Variants in RNASET2 observed in about 807,000 individuals in gnomAD.
RNASET2 encodes ribonuclease 6.
Under a neutral mutation model 33.9 loss-of-function variants are expected in RNASET2, and 28 were observed. The ratio of observed to expected loss-of-function variants is 0.83; its 90% CI spans 0.61 to 1.13. The LOEUF is 1.13. RNASET2 is among the 50% of genes most tolerant of loss of function. The probability of loss-of-function intolerance (pLI) is 0.00; values close to 1 mark genes in which losing one functional copy is unlikely to be tolerated. For missense variants in RNASET2, 330 were observed against 319.9 expected (o/e 1.03, Z -0.24); for synonymous variants, 123 against 121.0 (o/e 1.02, Z -0.11).
intron 5 of RNASET2, among the ~76,000 whole-genome samples, chr6:166,940,474 T>G (rs1031839763): frequency 1.3e-5 from 2 of 152,148 alleles, no homozygotes; most frequent in African/African-American, 4.8e-5. Context: ...TCCTATATCC[T>G]ATAAGGTAGA....
rs1778345589 is a variant in RNASET2 at position 166,928,723 on chromosome 6, A to T, written c.*865T>A. 6.6e-6 allele frequency among the ~76,000 whole-genome samples: 1 copy of T among 152,236 alleles called. No individual in the cohort carries two copies. Among genetic ancestry groups the T allele is most frequent in the South Asian group, 2.1e-4 (1 of 4,836 alleles). ...CCCCAGATGCCTCACTCCACGAGTGAAATCCCTGCACGGCAGGCCGAGAGC... is the reference window on the plus strand; with the variant it reads ...CCCCAGATGCCTCACTCCACGAGTGTAATCCCTGCACGGCAGGCCGAGAGC... On this transcript the variant is annotated 3_prime_UTR_variant, in exon 9 of 9. Transcript: ENST00000508775.
chr6:166,943,145 C>G, intron 4 of RNASET2, 56 bp from the exon 5 acceptor site: 1 of 1,308,302 alleles, frequency 7.6e-7, no homozygotes, highest in African/African-American at 1.4e-5. Flanking sequence ...AAACTCAAAA[C>G]CTAGAAGGTA....
intron 8 of RNASET2, among the ~76,000 whole-genome samples, chr6:166,930,227 G>C (rs1454364302): frequency 6.6e-6 from 1 of 152,204 alleles, no homozygotes; most frequent in African/African-American, 2.4e-5. Context: ...TCTTGTTAAA[G>C]ATAAGCAAGA....
chr6:166,952,432 A>G, intron 2 of RNASET2, 56 bp downstream of exon 2: 5 of 1,493,618 alleles, frequency 3.3e-6, no homozygotes, highest in Non-Finnish European at 4.7e-6. Context: ...GTGCACACAA[A>G]CCCCTCTTCA....
intron 2 of RNASET2, among the ~76,000 whole-genome samples, chr6:166,949,598 A>C (rs1778935647): frequency 6.6e-6 from 1 of 152,090 alleles, no homozygotes; most frequent in Non-Finnish European, 1.5e-5. Context: ...CAGAAAAATC[A>C]GTTGAGGAAG....
chr6:166,951,630 A>G (rs1193080717), intron 2 of RNASET2, among the ~76,000 whole-genome samples: 2 of 152,214 alleles, frequency 1.3e-5, no homozygotes, highest in African/African-American at 2.4e-5. Flanking sequence ...TTCAGCTCCT[A>G]TCTCTGTATG....
At position 166,928,584 on chromosome 6, in the gene RNASET2, T is replaced by C. The variant is rs1778343047; in HGVS notation, c.*1004A>G. 6.6e-6 allele frequency among the ~76,000 whole-genome samples: 1 copy of C among 152,164 alleles called. No homozygotes were observed. The highest frequency in any genetic ancestry group is 6.5e-5 in the Admixed American group (1 of 15,284). On this transcript the variant is annotated 3_prime_UTR_variant, in exon 9 of 9. Coordinates refer to ENST00000508775, the MANE Select transcript of RNASET2 (RefSeq NM_003730.6). The stretch of plus-strand genomic sequence containing the variant: ...ATAAAACATAAATAGGACGTTAATG[T>C]GATTAAGACAAACAGAGAAAAGGAT...
chr6:166,952,717 CCTACA>C, intron 1 of RNASET2, 169 bp from the exon 2 acceptor site: 1 of 642,420 alleles, frequency 1.6e-6, no homozygotes, highest in South Asian at 1.7e-5. Context: ...GCGGTACACC[CCTACA>C]CTAAGAAGGC....
At chr6:166,937,262 G>A (rs1308699987) in intron 6 of RNASET2, among the ~76,000 whole-genome samples, 4 of 151,994 alleles carry the variant, frequency 2.6e-5, no homozygotes, top group Non-Finnish European at 4.4e-5. Flanking sequence ...TCAGCCTCCC[G>A]AGTAGCTGGA....
intron 4 of RNASET2, among the ~76,000 whole-genome samples, chr6:166,944,938 G>A (rs1583227485): frequency 9.9e-6 from 1 of 101,470 alleles, no homozygotes; most frequent in African/African-American, 4.0e-5. Context: ...ACCCACCCAC[G>A]TCCACACCTG....
In RNASET2 at chr6:166,937,976, G is replaced by A. The variant is rs77491921; in HGVS notation, c.446+919C>T. On this transcript the variant is annotated intron_variant, in intron 6 of 8. Transcript: ENST00000508775. ...CCATCTGTGTGAGACGATTTTGTAC[G>A]TTGAGGAGGCAAAGCACATGTCTAG... Among the ~76,000 whole-genome samples the A allele has an allele frequency of 5.3e-3, 803 of 152,268 alleles. 18 individuals are homozygous for A. In the East Asian group the frequency reaches 0.072, roughly 14 times the overall value.
chr6:166,933,155 T>G lies in RNASET2; in HGVS notation c.492+936A>C, dbSNP rs770969336. ...CACAACCTGTGATAAATACGAAAAC[T>G]ATCTCAAAGAATCTGATACCTTTCT... is the stretch of plus-strand genomic sequence containing the variant. On this transcript the variant is annotated intron_variant, in intron 7 of 8. Coordinates refer to ENST00000508775, the MANE Select transcript of RNASET2 (RefSeq NM_003730.6). The surrounding 1 kb of genome is among the most constrained non-coding windows in gnomAD (Gnocchi z 4.1). The G allele has an allele frequency of 1.3e-5, 2 of 152,194 alleles. No homozygotes were observed. Among genetic ancestry groups the G allele is most frequent in the African/African-American group, 2.4e-5 (1 of 41,444 alleles). 9.4% of individuals were successfully genotyped at this position (152,194 alleles called of 1,614,324 possible). A position where few individuals can be genotyped will look rare whatever the true frequency, so the allele number is the denominator to read the frequency against.
chr6:166,955,223 GCA>G lies in RNASET2; in HGVS notation c.86+872_86+873del, dbSNP rs1248839726. 1.0e-4 allele frequency among the ~76,000 whole-genome samples: 4 copies of G among 38,776 alleles called. No homozygotes were observed. In the East Asian group the frequency reaches 4.8e-3, roughly 46 times the overall value. The allele number at this position is 38,776 out of a possible 152,430, so 25.4% of individuals were successfully genotyped here. A position where few individuals can be genotyped will look rare whatever the true frequency, so the allele number is the denominator to read the frequency against. ...CACGCACACACGCACGCACACACGC[GCA>G]CACACGCACGCACGCACACACACGC... On this transcript the variant is annotated intron_variant, in intron 1 of 8. Coordinates refer to ENST00000508775, the MANE Select transcript of RNASET2 (RefSeq NM_003730.6).
intron 6 of RNASET2, 98 bp from the exon 7 acceptor site, chr6:166,934,234 C>T: frequency 3.7e-6 from 3 of 820,808 alleles, no homozygotes; most frequent in Admixed American, 1.9e-5. Flanking sequence ...AATTAAGACA[C>T]TCTTAAAGGA....
In RNASET2 at chr6:166,927,427, C is replaced by T. The variant is rs1242720220; in HGVS notation, c.*2161G>A. On this transcript the variant is annotated 3_prime_UTR_variant, in exon 9 of 9. Transcript: ENST00000508775. ...TGACAATGGCAGGAAACCAGCACTC[C>T]GCAGCCCATGCCTCCCACCAGGATG... Among the ~76,000 whole-genome samples the T allele has an allele frequency of 3.3e-5, 5 of 152,200 alleles. No individual in the cohort carries two copies. Among genetic ancestry groups the T allele is most frequent in the Middle Eastern group, 3.4e-3 (1 of 294 alleles).
In RNASET2 at chr6:166,952,553, TAAAAC is replaced by T; in HGVS notation, c.87-10_87-6del. ...TTTTTCCACTCATGGTTGTCACTGT[TAAAAC>T]ATAAGAAACTTATTTTTCAAGAACT... On this transcript the variant is annotated splice_region_variant and splice_polypyrimidine_tract_variant and intron_variant, in intron 1 of 8. Transcript: ENST00000508775. 1.2e-6 allele frequency: 2 copies of T among 1,609,622 alleles called. No individual in the cohort carries two copies. The highest frequency in any genetic ancestry group is 1.7e-6 in the Non-Finnish European group (2 of 1,175,778).
chr6:166,955,339 ACGCACACGCACG>A (rs1779121581), intron 1 of RNASET2: 4 of 134,414 alleles, frequency 3.0e-5, no homozygotes, highest in South Asian at 4.8e-4. Context: ...ACGCACGCAC[ACGCACACGCACG>A]CACACACACA....
chr6:166,934,157 A>G lies in RNASET2; in HGVS notation c.447-21T>C, dbSNP rs142218956. On this transcript the variant is annotated intron_variant, in intron 6 of 8. Coordinates refer to ENST00000508775, the MANE Select transcript of RNASET2 (RefSeq NM_003730.6). ...GCACACTAAAATTTAAATTTAAAAA[A>G]GTTAGCTGTATAATGAAGGTCCACT... 5.6e-4 allele frequency: 851 copies of G among 1,516,158 alleles called. 2 individuals carry two copies. In the African/African-American group the frequency reaches 9.4e-3, roughly 17 times the overall value. 93.9% of individuals were successfully genotyped at this position (1,516,158 alleles called of 1,614,324 possible). A position where few individuals can be genotyped will look rare whatever the true frequency, so the allele number is the denominator to read the frequency against.
chr6:166,945,684 G>C (rs1166974059), intron 4 of RNASET2, among the ~76,000 whole-genome samples: 1 of 151,970 alleles, frequency 6.6e-6, no homozygotes, highest in Non-Finnish European at 1.5e-5. Context: ...TACAAAATAA[G>C]CCGGGCATGG....
Sources: gnomAD v4.1 joint callset for allele counts (sites outside exome capture counted in the v4.1 genomes callset) on GRCh38, gnomAD v4.1.1 for gene constraint, Gnocchi (gnomAD v3.1) non-coding constraint, MANE v1.5 for transcripts, NCBI Gene and HGNC (gene_info 2026-07-23, HGNC 2026-07-21) for gene names.